The following CIITA variants were observed in gnomAD, a reference collection of about 807,000 sequenced individuals.
CIITA encodes class II major histocompatibility complex transactivator.
In CIITA, 72 loss-of-function variants were observed where a neutral mutation model predicts 115.1. That is an observed-to-expected ratio of 0.63 (90% confidence interval 0.52 to 0.76). The LOEUF is 0.76. CIITA is among the 30% of genes least tolerant of loss of function. CIITA has a pLI of 0.00. For synonymous variants in CIITA, 763 were observed against 635.6 expected, an observed-to-expected ratio of 1.20 and a Z score of -3.02; for missense variants, 1,617 against 1,463.8, an observed-to-expected ratio of 1.10 and a Z score of -1.71.
rs1391500069 is a variant in CIITA at position 10,927,560 on chromosome 16, G to C, written c.*3705G>C. 6.6e-6 allele frequency: 1 copy of C among 152,206 alleles called. No homozygotes were observed. Among genetic ancestry groups the C allele is most frequent in the Non-Finnish European group, 1.5e-5 (1 of 68,050 alleles). The allele number at this position is 152,206 out of a possible 1,614,324, so 9.4% of individuals were successfully genotyped here. On this transcript the variant is annotated 3_prime_UTR_variant, in exon 20 of 20. Coordinates refer to ENST00000324288, the MANE Select transcript of CIITA (RefSeq NM_000246.4). The stretch of plus-strand genomic sequence containing the variant: ...GCAAATTAAAAAAACTCTTTGGACA[G>C]GGCTGCCAGGTGAGGTTGGCCAGTC...
rs774460019 is a variant in CIITA, at chr16:10,923,077, C to A, written c.3318-151C>A. On this transcript the variant is annotated intron_variant, in intron 18 of 19. Transcript: ENST00000324288. This position sits in a 1 kb window ranked among gnomAD's most constrained non-coding sequence, Gnocchi z 5.2. ...CGGGCCTCCTAGGCTTCTCCTTTTC[C>A]CCATGACCCACACCGGTCGGTATCT... 1.4e-6 allele frequency: 1 copy of A among 721,222 alleles called. No homozygotes were observed. Among genetic ancestry groups the A allele is most frequent in the Non-Finnish European group, 2.5e-6 (1 of 402,566 alleles). The allele number at this position is 721,222 out of a possible 1,614,324, so 44.7% of individuals were successfully genotyped here. A position where few individuals can be genotyped will look rare whatever the true frequency, so the allele number is the denominator to read the frequency against.
intron 11 of CIITA, chr16:10,908,619 T>G (rs892962393): frequency 3.2e-5 from 14 of 432,036 alleles, no homozygotes; most frequent in African/African-American, 2.8e-4. Flanking sequence ...TTACAATCCT[T>G]CAGGGACACT....
intron 1 of CIITA, among the ~76,000 whole-genome samples, chr16:10,884,842 C>T (rs998353970): frequency 6.6e-6 from 1 of 152,120 alleles, no homozygotes; most frequent in Non-Finnish European, 1.5e-5. Flanking sequence ...TTTGGGTACC[C>T]AGGGCCAGTC....
intron 1 of CIITA, among the ~76,000 whole-genome samples, chr16:10,869,179 T>C (rs1337358129): frequency 6.6e-6 from 1 of 152,228 alleles, no homozygotes; most frequent in Admixed American, 6.5e-5. Flanking sequence ...CCCACGTTAC[T>C]CAGAGAAAAA....
At chr16:10,884,109 T>C (rs1229486398) in intron 1 of CIITA, among the ~76,000 whole-genome samples, 1 of 136,348 alleles carries the variant, frequency 7.3e-6, no homozygotes, top group Non-Finnish European at 1.5e-5. Flanking sequence ...CATTATAGTA[T>C]CACACAGACT....
chr16:10,886,057 C>CTTTT (rs71133402), intron 1 of CIITA, among the ~76,000 whole-genome samples: 7 of 132,178 alleles, frequency 5.3e-5, no homozygotes, highest in Non-Finnish European at 9.5e-5. Flanking sequence ...CATGTTTTGC[C>CTTTT]TTTTTTTTTT....
Position 10,927,986 on chromosome 16 carries a change from C to T in CIITA, c.*4131C>T, listed in dbSNP as rs1307384422. ...CCAAATGGTCACTCTTCCTCGCAGG[C>T]CTCTCTCTGCATACAAATGTCTCCC... On this transcript the variant is annotated 3_prime_UTR_variant, in exon 20 of 20. Transcript: ENST00000324288. 1 of 152,206 alleles carries T rather than the reference C, an allele frequency of 6.6e-6. No homozygotes were observed. The highest frequency in any genetic ancestry group is 1.5e-5 in the Non-Finnish European group (1 of 68,052). The allele number at this position is 152,206 out of a possible 1,614,324, so 9.4% of individuals were successfully genotyped here. A position where few individuals can be genotyped will look rare whatever the true frequency, so the allele number is the denominator to read the frequency against.
Position 10,917,376 on chromosome 16 carries a change from G to A in CIITA, c.3062+917G>A, listed in dbSNP as rs1392710456. The stretch of plus-strand genomic sequence containing the variant: ...TTTTGTAGAGACGTGGTTTCACCAC[G>A]TTGCCCAGGCTGGTCTTGAACTTCT... On this transcript the variant is annotated intron_variant, in intron 15 of 19. Coordinates refer to ENST00000324288, the MANE Select transcript of CIITA (RefSeq NM_000246.4). 3.3e-5 allele frequency among the ~76,000 whole-genome samples: 5 copies of A among 152,126 alleles called. No homozygotes were observed. In the South Asian group the frequency reaches 6.2e-4, roughly 19 times the overall value.
At chr16:10,912,433 T>C (rs1044568648) in intron 13 of CIITA, among the ~76,000 whole-genome samples, 2 of 152,170 alleles carry the variant, frequency 1.3e-5, no homozygotes, top group Non-Finnish European at 2.9e-5. Flanking sequence ...GTGCATTTTA[T>C]ATATAATCTC....
intron 10 of CIITA, among the ~76,000 whole-genome samples, chr16:10,905,628 A>C (rs953740686): frequency 2.0e-5 from 3 of 152,024 alleles, no homozygotes; most frequent in Non-Finnish European, 4.4e-5. Context: ...CAGACGTGGT[A>C]GTGGGTGCCT....
At position 10,942,625 on chromosome 16, in the gene CIITA, C is replaced by G. The variant is rs915698508; in HGVS notation, n.1751C>G. On this transcript the variant is annotated non_coding_transcript_exon_variant, in exon 2 of 2. Coordinates refer to the CIITA transcript ENST00000573379. This position sits in a 1 kb window ranked among gnomAD's most constrained non-coding sequence, Gnocchi z 5.0. ...GGGGCCCTAGCGTCTGAGTTGCTTT[C>G]CTGGTTCGGGTCTGCCCTCAGATCT... 6.6e-6 allele frequency: 1 copy of G among 152,342 alleles called. No individual in the cohort carries two copies. The highest frequency in any genetic ancestry group is 2.4e-5 in the African/African-American group (1 of 41,470). 9.4% of individuals were successfully genotyped at this position (152,342 alleles called of 1,614,324 possible).
At chr16:10,875,960 A>T (rs1168819300), upstream of CIITA, among the ~76,000 whole-genome samples, 1 of 151,894 alleles carries the variant, frequency 6.6e-6, no homozygotes, top group African/African-American at 2.4e-5. Flanking sequence ...AAAGAGCGCG[A>T]CTCCGTCTCA....
chr16:10,894,034 T>A (rs2037872041), intron 1 of CIITA, among the ~76,000 whole-genome samples: 2 of 151,946 alleles, frequency 1.3e-5, no homozygotes, highest in African/African-American at 4.8e-5. Context: ...AAAAAATTAA[T>A]AGAGATAGGC....
At position 10,933,586 on chromosome 16, in the gene CIITA, C is replaced by G. The variant is rs2040890978; in HGVS notation, c.*9731C>G. On this transcript the variant is annotated 3_prime_UTR_variant, in exon 20 of 20. Transcript: ENST00000324288. Reference sequence around the variant, plus strand: ...GCCCACCACATTGGGCTGTTTGTGTCCATGGAGTGCCTGACAATACCCAGC... The same window carrying G: ...GCCCACCACATTGGGCTGTTTGTGTGCATGGAGTGCCTGACAATACCCAGC... The G allele has an allele frequency of 6.6e-6, 1 of 152,276 alleles. No individual in the cohort carries two copies. Among genetic ancestry groups the G allele is most frequent in the African/African-American group, 2.4e-5 (1 of 41,436 alleles). 9.4% of individuals were successfully genotyped at this position (152,276 alleles called of 1,614,324 possible).
At chr16:10,940,354 G>A (rs2041085675), downstream of CIITA, 1 of 152,270 alleles carries the variant, frequency 6.6e-6, no homozygotes, top group South Asian at 2.1e-4. This position sits in a 1 kb window ranked among gnomAD's most constrained non-coding sequence, Gnocchi z 4.2. Context: ...ATGGTGTTCT[G>A]TTATAGCAGA....
Position 10,898,910 on chromosome 16 carries a change from T to C in CIITA, c.359-15T>C, listed in dbSNP as rs199610854. 2 of 1,613,754 alleles carry C rather than the reference T, an allele frequency of 1.2e-6. No homozygotes were observed. The highest frequency in any genetic ancestry group is 4.5e-5 in the East Asian group (2 of 44,784). On this transcript the variant is annotated splice_polypyrimidine_tract_variant and intron_variant, in intron 4 of 19. Transcript: ENST00000324288. ...ATTGATTGTGTGAGTTGGTCTCTGG[T>C]TTTTCTCAAAGTAGAGCACATAGGA... is the stretch of plus-strand genomic sequence containing the variant.
At position 10,930,315 on chromosome 16, in the gene CIITA, T is replaced by C. The variant is rs1352719498; in HGVS notation, c.*6460T>C. ...CATGTATTGTTGTTTGACAGGGTGC[T>C]ATTGACATTTGGGGTAGGACAATTC... is the stretch of plus-strand genomic sequence containing the variant. On this transcript the variant is annotated 3_prime_UTR_variant, in exon 20 of 20. Transcript: ENST00000324288. 6.6e-6 allele frequency: 1 copy of C among 152,236 alleles called. No individual in the cohort carries two copies. Among genetic ancestry groups the C allele is most frequent in the Non-Finnish European group, 1.5e-5 (1 of 68,040 alleles). The allele number at this position is 152,236 out of a possible 1,614,324, so 9.4% of individuals were successfully genotyped here.
intron 1 of CIITA, among the ~76,000 whole-genome samples, chr16:10,893,854 T>C (rs1405869962): frequency 6.9e-6 from 1 of 144,304 alleles, no homozygotes; most frequent in Non-Finnish European, 1.5e-5. Flanking sequence ...AGTGTTCTTT[T>C]GGGAATACTC....
intron 1 of CIITA, among the ~76,000 whole-genome samples, chr16:10,872,183 C>T (rs1020169378): frequency 4.6e-5 from 7 of 151,924 alleles, no homozygotes; most frequent in African/African-American, 9.7e-5. Flanking sequence ...AATGCAGTGG[C>T]GTGATCTCAG....
Sources: allele counts gnomAD v4.1 joint callset (sites outside exome capture counted in the v4.1 genomes callset), GRCh38; gene constraint gnomAD v4.1.1; non-coding constraint Gnocchi (gnomAD v3.1); transcripts MANE v1.5; gene names NCBI Gene and HGNC (gene_info 2026-07-23, HGNC 2026-07-21).